The following MCF2L2 variants were observed in gnomAD, a reference collection of about 807,000 sequenced individuals.
MCF2L2 encodes the protein MCF.2 cell line derived transforming sequence-like 2, also known as probable guanine nucleotide exchange factor MCF2L2.
In MCF2L2, 102 loss-of-function variants were observed where a neutral mutation model predicts 150.2. The ratio of observed to expected loss-of-function variants is 0.68; its 90% CI spans 0.58 to 0.80. The LOEUF (loss-of-function observed/expected upper bound fraction) is 0.80. MCF2L2 is among the 30% of genes least tolerant of loss of function. The pLI, the probability that MCF2L2 is intolerant of heterozygous loss-of-function variation, is 0.00. For synonymous variants in MCF2L2, 465 were observed against 491.3 expected, an observed-to-expected ratio of 0.95 and a Z score of 0.71; for missense variants, 1,256 against 1,372.8, an observed-to-expected ratio of 0.91 and a Z score of 1.34.
intron 3 of MCF2L2, among the ~76,000 whole-genome samples, chr3:183,350,786 C>G (rs958384764): frequency 6.6e-6 from 1 of 151,980 alleles, no homozygotes. Context: ...CGCCTGGAGT[C>G]CCAGCTACTC....
At chr3:183,188,658 G>C (rs1002412479) in intron 27 of MCF2L2, among the ~76,000 whole-genome samples, 2 of 152,118 alleles carry the variant, frequency 1.3e-5, no homozygotes, top group East Asian at 3.9e-4. Context: ...TTGCCATACT[G>C]AGTCCCCTGA....
chr3:183,339,950 C>A (rs1730632588), intron 4 of MCF2L2, among the ~76,000 whole-genome samples: 1 of 152,132 alleles, frequency 6.6e-6, no homozygotes, highest in Non-Finnish European at 1.5e-5. Context: ...ACAAATTAGG[C>A]TCAGACATTA....
intron 14 of MCF2L2, among the ~76,000 whole-genome samples, chr3:183,277,209 C>T (rs780696935): frequency 2.0e-5 from 3 of 151,980 alleles, no homozygotes; most frequent in African/African-American, 2.4e-5. Context: ...TGGTGGCAGG[C>T]GCCTGTAATC....
intron 2 of MCF2L2, among the ~76,000 whole-genome samples, chr3:183,381,738 C>G (rs1033172945): frequency 6.6e-6 from 1 of 152,054 alleles, no homozygotes; most frequent in South Asian, 2.1e-4. Flanking sequence ...CTCTAAATTT[C>G]CAAAGATGAG....
chr3:183,302,368 G>A (rs1024802852), intron 10 of MCF2L2, among the ~76,000 whole-genome samples: 3 of 152,202 alleles, frequency 2.0e-5, no homozygotes, highest in African/African-American at 7.2e-5. Context: ...GAGACCTGAA[G>A]TCAGGGACAA....
chr3:183,252,719 C>A (rs1457079604), intron 15 of MCF2L2, among the ~76,000 whole-genome samples: 1 of 152,150 alleles, frequency 6.6e-6, no homozygotes, highest in Non-Finnish European at 1.5e-5. Flanking sequence ...GTTCCTTTTA[C>A]GACAAACTCA....
At chr3:183,351,160 T>C (rs1432469809) in intron 3 of MCF2L2, among the ~76,000 whole-genome samples, 3 of 122,132 alleles carry the variant, frequency 2.5e-5, no homozygotes, top group Admixed American at 8.1e-5. Context: ...CAAAGAAGCA[T>C]TGTGGTGTGT....
chr3:183,261,797 A>G (rs1725609423), intron 15 of MCF2L2, among the ~76,000 whole-genome samples: 1 of 151,972 alleles, frequency 6.6e-6, no homozygotes, highest in East Asian at 1.9e-4. Context: ...GCCTTCTTAT[A>G]TAGAATTTCT....
chr3:183,256,913 A>G (rs1725090971), intron 15 of MCF2L2, among the ~76,000 whole-genome samples: 1 of 152,230 alleles, frequency 6.6e-6, no homozygotes, highest in Non-Finnish European at 1.5e-5. Flanking sequence ...TCAATTAGGG[A>G]TGATACTTCT....
At position 183,179,254 on chromosome 3, in the gene MCF2L2, C is replaced by G; in HGVS notation, c.*126G>C. 7.7e-7 allele frequency: 1 copy of G among 1,291,446 alleles called. No individual in the cohort carries two copies. The highest frequency in any genetic ancestry group is 1.9e-5 in the South Asian group (1 of 51,502). The allele number at this position is 1,291,446 out of a possible 1,614,324, so 80.0% of individuals were successfully genotyped here. On this transcript the variant is annotated 3_prime_UTR_variant, in exon 30 of 30. Coordinates refer to ENST00000328913, the MANE Select transcript of MCF2L2 (RefSeq NM_015078.4). The surrounding 1 kb of genome is among the most constrained non-coding windows in gnomAD (Gnocchi z 4.2). ...CTCCTCGGAGGAGGCCCTGGTTGTC[C>G]CCTTTCTGCCGCCGCCGAGGCTCCG...
chr3:183,322,407 G>A (rs1729849893), intron 6 of MCF2L2, among the ~76,000 whole-genome samples: 1 of 152,120 alleles, frequency 6.6e-6, no homozygotes, highest in East Asian at 1.9e-4. Context: ...ATTGTAAGGT[G>A]TTCAGCGGAG....
At position 183,207,594 on chromosome 3, in the gene MCF2L2, A is replaced by G; in HGVS notation, c.2712+14T>C. On this transcript the variant is annotated intron_variant, in intron 23 of 29. Transcript: ENST00000328913. Reference sequence around the variant, plus strand: ...GCATAGGGCGACTCCCAGATGCAATAGGACTCCCTTTACCTTCATGGTCTT... The same window carrying G: ...GCATAGGGCGACTCCCAGATGCAATGGGACTCCCTTTACCTTCATGGTCTT... 2 of 1,588,772 alleles carry G rather than the reference A, an allele frequency of 1.3e-6. No homozygotes were observed. The highest frequency in any genetic ancestry group is 1.7e-6 in the Non-Finnish European group (2 of 1,157,562).
intron 3 of MCF2L2, among the ~76,000 whole-genome samples, chr3:183,360,327 G>A (rs1365829477): frequency 6.6e-6 from 1 of 152,094 alleles, no homozygotes; most frequent in African/African-American, 2.4e-5. Flanking sequence ...CAGAACTCTG[G>A]GACTCTGAGG....
Position 183,294,632 on chromosome 3 carries a change from TA to T in MCF2L2, c.1675+667del, listed in dbSNP as rs1432960835. Among the ~76,000 whole-genome samples, 189 of 112,528 alleles carry T rather than the reference TA, an allele frequency of 1.7e-3. 1 individual carries two copies. Among genetic ancestry groups the T allele is most frequent in the African/African-American group, 5.3e-3 (140 of 26,512 alleles). 73.8% of individuals were successfully genotyped at this position (112,528 alleles called of 152,430 possible). On this transcript the variant is annotated intron_variant, in intron 13 of 29. Transcript: ENST00000328913. ...GTGTGTGTGTATATATATATATATA[TA>T]TTTTTTTTTTTTTGAGACGGAGTCT...
chr3:183,383,651 C>A lies in MCF2L2; in HGVS notation c.161-4240G>T, dbSNP rs534795786. ...GTGACTCCAAATTGAGGGGCAAGCA[C>A]CTCTTTCATTATTCTCATGTAGCTA... On this transcript the variant is annotated intron_variant, in intron 2 of 29. Transcript: ENST00000328913. Among the ~76,000 whole-genome samples, 50 of 152,258 alleles carry A rather than the reference C, an allele frequency of 3.3e-4. 3 individuals carry two copies. In the South Asian group the frequency reaches 9.5e-3, roughly 29 times the overall value.
chr3:183,267,286 G>A lies in MCF2L2; in HGVS notation c.1862+9586C>T, dbSNP rs1156302731. On this transcript the variant is annotated intron_variant, in intron 15 of 29. Coordinates refer to ENST00000328913, the MANE Select transcript of MCF2L2 (RefSeq NM_015078.4). The surrounding 1 kb of genome is among the most constrained non-coding windows in gnomAD (Gnocchi z 5.5). ...TCAAATCAATGCCCTTGGCGATAAAGTGTGCCCTATACTGATTATCTCTGG... is the reference window on the plus strand; with the variant it reads ...TCAAATCAATGCCCTTGGCGATAAAATGTGCCCTATACTGATTATCTCTGG... 6.6e-6 allele frequency among the ~76,000 whole-genome samples: 1 copy of A among 152,194 alleles called. No individual in the cohort carries two copies. The highest frequency in any genetic ancestry group is 2.4e-5 in the African/African-American group (1 of 41,444).
chr3:183,195,566 C>T (rs1486443338), intron 25 of MCF2L2, among the ~76,000 whole-genome samples: 4 of 152,100 alleles, frequency 2.6e-5, no homozygotes, highest in African/African-American at 9.7e-5. Context: ...ATAAACAGTG[C>T]TCAAATGCTC....
Position 183,379,288 on chromosome 3 carries a change from T to C in MCF2L2, c.275+9A>G, listed in dbSNP as rs370008176. 14 of 1,599,422 alleles carry C rather than the reference T, an allele frequency of 8.8e-6. No homozygotes were observed. Among genetic ancestry groups the C allele is most frequent in the Non-Finnish European group, 1.0e-5 (12 of 1,172,208 alleles). ...TGCCTAAGGCGGCAGGACACTGTGCTCAGCTCACCTGGGGATGCTAGTCAG... is the reference window on the plus strand; with the variant it reads ...TGCCTAAGGCGGCAGGACACTGTGCCCAGCTCACCTGGGGATGCTAGTCAG... On this transcript the variant is annotated intron_variant, in intron 3 of 29. Coordinates refer to ENST00000328913, the MANE Select transcript of MCF2L2 (RefSeq NM_015078.4).
chr3:183,409,096 C>T (rs534073017), intron 1 of MCF2L2, among the ~76,000 whole-genome samples: 19 of 152,192 alleles, frequency 1.2e-4, no homozygotes, highest in Non-Finnish European at 2.5e-4. Flanking sequence ...TGTATTATTT[C>T]TGCATGTTTA....
Sources: gnomAD v4.1 joint callset for allele counts (sites outside exome capture counted in the v4.1 genomes callset) on GRCh38, gnomAD v4.1.1 for gene constraint, Gnocchi (gnomAD v3.1) non-coding constraint, MANE v1.5 for transcripts, NCBI Gene and HGNC (gene_info 2026-07-23, HGNC 2026-07-21) for gene names.